Variants in SAMD5 observed in about 807,000 individuals in gnomAD.
The protein encoded by SAMD5 is sterile alpha motif domain-containing protein 5.
Under a neutral mutation model 11.3 loss-of-function variants are expected in SAMD5, and 13 were observed. That is an observed-to-expected ratio of 1.15 (90% confidence interval 0.75 to 1.83). SAMD5 has a LOEUF of 1.83. Among genes scored for constraint, SAMD5 ranks in the 40% most tolerant of loss-of-function variants. The pLI is 0.00. For missense variants in SAMD5, 255 were observed against 239.1 expected (o/e 1.07, Z -0.44); for synonymous variants, 129 against 111.3 (o/e 1.16, Z -1.00).
At chr6:147,781,444 G>C in the SAMD5 span, among the ~76,000 whole-genome samples, 2 of 152,026 alleles carry the variant, frequency 1.3e-5, no homozygotes, top group African/African-American at 4.8e-5. Context: ...CTTAAATCTA[G>C]GTACATCATT....
At chr6:147,772,020 T>C in the SAMD5 span, among the ~76,000 whole-genome samples, 2 of 152,164 alleles carry the variant, frequency 1.3e-5, no homozygotes, top group Admixed American at 1.3e-4. Context: ...AGTCCACATA[T>C]TCTGTTGTCA....
the SAMD5 span, among the ~76,000 whole-genome samples, chr6:147,853,954 A>G: frequency 6.6e-6 from 1 of 152,200 alleles, no homozygotes; most frequent in Non-Finnish European, 1.5e-5. Flanking sequence ...TCCCATTTCT[A>G]TTGAATAAGT....
At chr6:147,728,795 G>A (rs555615031) in intron 1 of SAMD5, among the ~76,000 whole-genome samples, 2 of 152,280 alleles carry the variant, frequency 1.3e-5, no homozygotes, top group East Asian at 3.9e-4. Context: ...TAAAAGGATT[G>A]TAGCAAAAGT....
chr6:147,888,397 AT>A, the SAMD5 span, among the ~76,000 whole-genome samples: 1 of 151,984 alleles, frequency 6.6e-6, no homozygotes, highest in Non-Finnish European at 1.5e-5. Flanking sequence ...CTGAGCCTTA[AT>A]TTTGAAAGGT....
At chr6:147,801,363 T>C in the SAMD5 span, among the ~76,000 whole-genome samples, 1 of 151,934 alleles carries the variant, frequency 6.6e-6, no homozygotes, top group Middle Eastern at 3.4e-3. Flanking sequence ...CAAAAACAAA[T>C]CAATACTTCA....
At chr6:147,809,849 G>A in the SAMD5 span, among the ~76,000 whole-genome samples, 3 of 152,280 alleles carry the variant, frequency 2.0e-5, no homozygotes, top group African/African-American at 7.2e-5. Context: ...CATCCCCCAG[G>A]ATAGCTAAAA....
At chr6:147,577,505 C>G (rs147000385) in intron 1 of SAMD5, among the ~76,000 whole-genome samples, 210 of 151,976 alleles carry the variant, frequency 1.4e-3, no homozygotes, top group African/African-American at 4.8e-3. Context: ...CTTTTTTTCT[C>G]TCTTTCCTTT....
At chr6:147,668,887 C>A (rs576469147) in intron 1 of SAMD5, among the ~76,000 whole-genome samples, 2 of 152,244 alleles carry the variant, frequency 1.3e-5, no homozygotes, top group Non-Finnish European at 2.9e-5. Flanking sequence ...AGTAAGTGTG[C>A]AATAGCATTT....
At chr6:147,678,676 T>C (rs1202335920) in intron 1 of SAMD5, among the ~76,000 whole-genome samples, 2 of 152,160 alleles carry the variant, frequency 1.3e-5, no homozygotes, top group African/African-American at 2.4e-5. Context: ...TGTCCCAGCA[T>C]AGAGAAATAA....
At chr6:147,844,679 A>C in the SAMD5 span, among the ~76,000 whole-genome samples, 1 of 152,190 alleles carries the variant, frequency 6.6e-6, no homozygotes, top group Admixed American at 6.5e-5. Flanking sequence ...AAAAAAAAAA[A>C]AACAGGAAAT....
At chr6:147,686,081 C>T (rs190692453) in intron 1 of SAMD5, among the ~76,000 whole-genome samples, 14 of 152,220 alleles carry the variant, frequency 9.2e-5, no homozygotes, top group Admixed American at 5.2e-4. Context: ...ATTTATTGAC[C>T]GTACGGATGT....
chr6:147,641,353 G>A (rs1386832045), intron 1 of SAMD5, among the ~76,000 whole-genome samples: 1 of 152,122 alleles, frequency 6.6e-6, no homozygotes, highest in Non-Finnish European at 1.5e-5. Flanking sequence ...GGCTTCATTG[G>A]CTACGGTGAA....
chr6:147,895,413 TAGCCATGTATCAGGCTCC>T, the SAMD5 span, among the ~76,000 whole-genome samples: 1 of 152,190 alleles, frequency 6.6e-6, no homozygotes, highest in African/African-American at 2.4e-5. Context: ...TTGTCAGGTC[TAGCCATGTATCAGGCTCC>T]TAGAGTGAAA....
At chr6:147,513,614 TCAGAGGCGGC>T (rs1190468487) in intron 1 of SAMD5, among the ~76,000 whole-genome samples, 1 of 152,136 alleles carries the variant, frequency 6.6e-6, no homozygotes, top group Non-Finnish European at 1.5e-5. Flanking sequence ...CAGCAGGATT[TCAGAGGCGGC>T]CAGAGGAAGA....
intron 1 of SAMD5, among the ~76,000 whole-genome samples, chr6:147,652,849 C>T (rs374709198): frequency 1.3e-5 from 2 of 152,214 alleles, no homozygotes; most frequent in East Asian, 3.9e-4. Context: ...TATTTATTTA[C>T]TTGGTGCCAG....
the SAMD5 span, among the ~76,000 whole-genome samples, chr6:147,841,774 A>AG: frequency 7.2e-4 from 109 of 152,224 alleles, 1 homozygote; most frequent in African/African-American, 2.5e-3. Flanking sequence ...AGAGCTGGGG[A>AG]GGGAGAGGTG....
intron 1 of SAMD5, among the ~76,000 whole-genome samples, chr6:147,583,089 A>G (rs1200219547): frequency 6.6e-6 from 1 of 152,252 alleles, no homozygotes; most frequent in Non-Finnish European, 1.5e-5. Flanking sequence ...CCTTTCATTA[A>G]ATAAAAACAG....
chr6:147,906,028 T>C, the SAMD5 span, among the ~76,000 whole-genome samples: 1 of 152,224 alleles, frequency 6.6e-6, no homozygotes, highest in African/African-American at 2.4e-5. Context: ...TTAGTGGCCC[T>C]GGACAGTTTA....
the SAMD5 span, among the ~76,000 whole-genome samples, chr6:147,933,426 A>G: frequency 6.6e-6 from 1 of 152,208 alleles, no homozygotes; most frequent in Non-Finnish European, 1.5e-5. Context: ...GGTACTGCTA[A>G]TCCCCTCTTC....
Sources: allele counts gnomAD v4.1 joint callset (sites outside exome capture counted in the v4.1 genomes callset), GRCh38; gene constraint gnomAD v4.1.1; transcripts MANE v1.5; gene names NCBI Gene and HGNC (gene_info 2026-07-23, HGNC 2026-07-21).